Variants in SEC61A1 observed in about 807,000 individuals in gnomAD.
SEC61A1 encodes the protein SEC61 translocon subunit alpha 1.
Under a neutral mutation model 55.2 loss-of-function variants are expected in SEC61A1, and 15 were observed. The ratio of observed to expected loss-of-function variants is 0.27; its 90% confidence interval spans 0.18 to 0.42. The LOEUF (loss-of-function observed/expected upper bound fraction) is 0.42. Ranked by LOEUF, SEC61A1 falls within the 10% of genes least tolerant of loss-of-function variation. The pLI, the probability that SEC61A1 is intolerant of heterozygous loss-of-function variation, is 1.00. For synonymous variants in SEC61A1, 247 were observed against 234.0 expected (o/e 1.06, Z -0.51); for missense variants, 284 against 602.6 (o/e 0.47, Z 5.53).
At chr3:128,056,625 G>C in intron 4 of SEC61A1, 84 bp from the exon 5 acceptor site, 1 of 1,286,144 alleles carries the variant, frequency 7.8e-7, no homozygotes, top group Non-Finnish European at 1.0e-6. Context: ...GGGGTACCCA[G>C]TCAAATTTTG....
chr3:128,065,425 ATCT>A (rs1184694197), intron 8 of SEC61A1, among the ~76,000 whole-genome samples: 4 of 152,208 alleles, frequency 2.6e-5, no homozygotes, highest in African/African-American at 9.6e-5. Context: ...GAAACGGCCT[ATCT>A]TCTTAAGCTG....
chr3:128,055,592 G>T lies in SEC61A1; in HGVS notation c.141+11G>T. 1 of 1,612,970 alleles carries T rather than the reference G, an allele frequency of 6.2e-7. No homozygotes were observed. The highest frequency in any genetic ancestry group is 1.1e-5 in the South Asian group (1 of 91,058). Reference sequence around the variant, plus strand: ...TTAGTGTGCTGCCAGGTAAGCTCAGGCTTGTATTTCGTATTGGGGAGGGGG... The same window carrying T: ...TTAGTGTGCTGCCAGGTAAGCTCAGTCTTGTATTTCGTATTGGGGAGGGGG... On this transcript the variant is annotated intron_variant, in intron 3 of 11. Transcript: ENST00000243253.
At chr3:128,060,698 C>T (rs200936716) in intron 7 of SEC61A1, 37 bp downstream of exon 7, 233 of 1,593,854 alleles carry the variant, frequency 1.5e-4, no homozygotes, top group Non-Finnish European at 1.8e-4. Context: ...CGACAGCTTT[C>T]AGCAAAAACA....
Position 128,069,472 on chromosome 3 carries a change from C to G in SEC61A1, c.1245-4C>G, listed in dbSNP as rs746895826. On this transcript the variant is annotated splice_polypyrimidine_tract_variant and splice_region_variant and intron_variant, in intron 11 of 11. Coordinates refer to ENST00000243253, the MANE Select transcript of SEC61A1 (RefSeq NM_013336.4). Reference sequence around the variant, plus strand: ...CCAGGAGCTGACTGTGTCCCCTCCCCCAGGTACATCCCCACAGCCGCGGCC... The same window carrying G: ...CCAGGAGCTGACTGTGTCCCCTCCCGCAGGTACATCCCCACAGCCGCGGCC... 2.5e-6 allele frequency: 4 copies of G among 1,609,480 alleles called. No individual in the cohort carries two copies. In the South Asian group the frequency reaches 4.4e-5, roughly 18 times the overall value.
intron 11 of SEC61A1, 109 bp downstream of exon 11, chr3:128,068,168 T>C: frequency 2.6e-6 from 2 of 776,358 alleles, no homozygotes; most frequent in South Asian, 1.5e-5. Flanking sequence ...CTAAATCTTA[T>C]CCTTGGGTTA....
Position 128,065,368 on chromosome 3 carries a change from T to C in SEC61A1, c.777+331T>C, listed in dbSNP as rs1941934988. The C allele has an allele frequency of 8.8e-6, 5 of 568,246 alleles. No individual in the cohort carries two copies. The East Asian group carries it at 1.4e-4, about 16-fold the overall frequency. 35.2% of individuals were successfully genotyped at this position (568,246 alleles called of 1,614,324 possible). On this transcript the variant is annotated intron_variant, in intron 8 of 11. Transcript: ENST00000243253. ...CTCTAGCTCTGAAACCTCATTGCTC[T>C]CTTATAGAAAGTTTGTATGATATTT...
chr3:128,062,619 G>A (rs1215403977), intron 7 of SEC61A1, among the ~76,000 whole-genome samples: 4 of 152,244 alleles, frequency 2.6e-5, no homozygotes, highest in Non-Finnish European at 5.9e-5. Flanking sequence ...GAGGAGGTCA[G>A]TGGTCATATT....
At chr3:128,069,418 G>A (rs1023515905) in intron 11 of SEC61A1, 58 bp from the exon 12 acceptor site, 40 of 1,531,100 alleles carry the variant, frequency 2.6e-5, no homozygotes, top group East Asian at 9.0e-5. Context: ...CCTGTTGGCC[G>A]CCTGGCTCAC....
At chr3:128,051,796 C>A, upstream of SEC61A1, 1 of 1,532,962 alleles carries the variant, frequency 6.5e-7, no homozygotes, top group Non-Finnish European at 8.7e-7. Context: ...TGCCCCGGCC[C>A]TTCTCCGGCC....
intron 2 of SEC61A1, 79 bp from the exon 3 acceptor site, chr3:128,055,435 AAG>A (rs781303351): frequency 2.6e-5 from 29 of 1,101,904 alleles, no homozygotes; most frequent in Non-Finnish European, 3.8e-5. Context: ...TTTTTAGAGA[AAG>A]GGGTCTGATT....
Position 128,068,033 on chromosome 3 carries a change from G to A in SEC61A1, c.1218G>A (p.Glu406=). Residue 406 remains glutamate, a synonymous_variant, in exon 11 of 12, where the codon GAG becomes GAA. Coordinates refer to ENST00000243253, the MANE Select transcript of SEC61A1 (RefSeq NM_013336.4). The stretch of plus-strand genomic sequence containing the variant: ...AGATGGTGATGAGAGGCCACCGAGA[G>A]ACCTCCATGGTCCATGAACTCAACC... ...EQQMVMRGHR[E]TSMVHELNRY... is the part of the protein sequence containing the mutation. The A allele has an allele frequency of 1.2e-6, 2 of 1,613,948 alleles. No homozygotes were observed. The highest frequency in any genetic ancestry group is 8.5e-7 in the Non-Finnish European group (1 of 1,179,992).
chr3:128,056,003 G>T (rs1368681574), intron 4 of SEC61A1, among the ~76,000 whole-genome samples: 1 of 152,174 alleles, frequency 6.6e-6, no homozygotes, highest in African/African-American at 2.4e-5. Flanking sequence ...GCTATAGAGA[G>T]AATAAAAAAC....
intron 8 of SEC61A1, chr3:128,066,690 C>T: frequency 2.1e-6 from 1 of 484,212 alleles, no homozygotes; most frequent in Admixed American, 3.7e-5. Flanking sequence ...TCCCAAAGTG[C>T]TGGGATTACA....
At chr3:128,068,234 G>C (rs1234510539) in intron 11 of SEC61A1, among the ~76,000 whole-genome samples, 175 bp downstream of exon 11, 1 of 152,252 alleles carries the variant, frequency 6.6e-6, no homozygotes, top group Non-Finnish European at 1.5e-5. Context: ...GGACACTGGA[G>C]ACGTAAAAAT....
At position 128,060,803 on chromosome 3, in the gene SEC61A1, T is replaced by G. The variant is rs1941840433; in HGVS notation, c.616+142T>G. The G allele has an allele frequency of 3.6e-6, 3 of 829,196 alleles. No individual in the cohort carries two copies. In the Admixed American group the frequency reaches 9.5e-5, roughly 26 times the overall value. The allele number at this position is 829,196 out of a possible 1,614,324, so 51.4% of individuals were successfully genotyped here. On this transcript the variant is annotated intron_variant, in intron 7 of 11. Coordinates refer to ENST00000243253, the MANE Select transcript of SEC61A1 (RefSeq NM_013336.4). ...ATCTCTTCTGGTGTTTGGGTCCATC[T>G]GCAAAGTTTTAAAAACACAAATAGG...
intron 7 of SEC61A1, among the ~76,000 whole-genome samples, chr3:128,063,283 T>A (rs192128043): frequency 1.2e-4 from 19 of 152,348 alleles, no homozygotes; most frequent in Admixed American, 9.1e-4. Flanking sequence ...TCCTATTTAA[T>A]CTGTCATGTA....
At chr3:128,068,879 G>A (rs907504213) in intron 11 of SEC61A1, 6 of 152,354 alleles carry the variant, frequency 3.9e-5, no homozygotes, top group Non-Finnish European at 7.3e-5. Flanking sequence ...TGGCTACAAA[G>A]TCAGCTGCAG....
intron 7 of SEC61A1, among the ~76,000 whole-genome samples, 168 bp downstream of exon 7, chr3:128,060,829 C>T (rs1941840744): frequency 6.6e-6 from 1 of 152,208 alleles, no homozygotes; most frequent in Non-Finnish European, 1.5e-5. Context: ...CACAAATAGG[C>T]TTGTAATTAT....
intron 4 of SEC61A1, among the ~76,000 whole-genome samples, chr3:128,056,147 T>G (rs1207039820): frequency 6.6e-6 from 1 of 152,262 alleles, no homozygotes; most frequent in Non-Finnish European, 1.5e-5. Flanking sequence ...TCAAAAAATA[T>G]GTAACAGTGT....
Sources: allele counts gnomAD v4.1 joint callset (sites outside exome capture counted in the v4.1 genomes callset), GRCh38; gene constraint gnomAD v4.1.1; transcripts MANE v1.5; gene names NCBI Gene and HGNC (gene_info 2026-07-23, HGNC 2026-07-21).